CDH23: variants seen among roughly 807,000 people sequenced by gnomAD.
CDH23 encodes cadherin related 23.
CDH23 carries 189 observed loss-of-function variants against 317.1 expected under a neutral mutation model. The ratio of observed to expected loss-of-function variants is 0.60; its 90% CI spans 0.53 to 0.67. CDH23 has a LOEUF of 0.67. Ranked by LOEUF, CDH23 falls within the 30% of genes least tolerant of loss-of-function variation. The pLI is 0.00. For missense variants in CDH23, 4,401 were observed against 4,592.4 expected, an observed-to-expected ratio of 0.96 and a Z score of 1.20; for synonymous variants, 1,839 against 1,876.8, an observed-to-expected ratio of 0.98 and a Z score of 0.52.
intron 22 of CDH23, among the ~76,000 whole-genome samples, chr10:71,696,499 C>T (rs891461174): frequency 6.6e-5 from 10 of 152,324 alleles, no homozygotes; most frequent in South Asian, 2.1e-4. Context: ...GTAAAGGGTG[C>T]GGTCAGGACT....
At chr10:71,780,812 A>G (rs1247838548) in intron 41 of CDH23, among the ~76,000 whole-genome samples, 1 of 152,156 alleles carries the variant, frequency 6.6e-6, no homozygotes, top group Admixed American at 6.5e-5. Flanking sequence ...TGCTGCAATC[A>G]CTCAGGCTAG....
chr10:71,759,744 G>A (rs1281924188), intron 38 of CDH23, among the ~76,000 whole-genome samples: 11 of 150,940 alleles, frequency 7.3e-5, no homozygotes, highest in Admixed American at 6.0e-4. Context: ...TCCGGGAGGC[G>A]GAGGTTGCAG....
At chr10:71,678,860 T>C (rs571919220) in intron 16 of CDH23, among the ~76,000 whole-genome samples, 2 of 152,320 alleles carry the variant, frequency 1.3e-5, no homozygotes, top group Admixed American at 6.5e-5. Context: ...TGTGTTGGCC[T>C]GTAGGTATGC....
intron 57 of CDH23, 46 bp from the exon 58 acceptor site, chr10:71,807,231 G>C: frequency 6.2e-7 from 1 of 1,600,892 alleles, no homozygotes; most frequent in South Asian, 1.1e-5. Context: ...CTGGAAGCTC[G>C]GGTCTTCCCT....
intron 38 of CDH23, among the ~76,000 whole-genome samples, chr10:71,766,907 C>T (rs930840272): frequency 1.3e-5 from 2 of 152,212 alleles, no homozygotes; most frequent in African/African-American, 2.4e-5. Context: ...ATGAACTGAC[C>T]GTGCATTGAC....
At chr10:71,399,385 T>C (rs1484570005) in intron 1 of CDH23, among the ~76,000 whole-genome samples, 1 of 152,314 alleles carries the variant, frequency 6.6e-6, no homozygotes, top group Middle Eastern at 3.4e-3. Flanking sequence ...CTAAGAGGCA[T>C]TGCATAGTTC....
intron 14 of CDH23, chr10:71,646,932 G>T (rs1862921657): frequency 1.4e-6 from 2 of 1,408,290 alleles, no homozygotes; most frequent in East Asian, 5.0e-5. Context: ...CCTCAAATGG[G>T]TGGGAAGGTG....
intron 14 of CDH23, chr10:71,647,890 T>C (rs1862970477): frequency 6.6e-6 from 1 of 152,174 alleles, no homozygotes; most frequent in Non-Finnish European, 1.5e-5. Flanking sequence ...GCTCAATAAA[T>C]GTCACGGAGT....
chr10:71,427,154 CAAAAA>C (rs754534481), intron 1 of CDH23, among the ~76,000 whole-genome samples: 2 of 64,300 alleles, frequency 3.1e-5, no homozygotes, highest in African/African-American at 5.1e-5. Flanking sequence ...GACCCTGTCT[CAAAAA>C]AAAAAAAAAA....
intron 7 of CDH23, among the ~76,000 whole-genome samples, chr10:71,568,872 G>A (rs1316284316): frequency 2.0e-5 from 3 of 152,224 alleles, no homozygotes; most frequent in Admixed American, 6.5e-5. Flanking sequence ...AGAGTCCAGA[G>A]TGGGCTGGGC....
At chr10:71,400,654 C>G (rs1367669308) in intron 1 of CDH23, among the ~76,000 whole-genome samples, 1 of 152,048 alleles carries the variant, frequency 6.6e-6, no homozygotes, top group South Asian at 2.1e-4. Flanking sequence ...CAAAAATTAC[C>G]CAGACGTGGT....
At chr10:71,446,225 G>A in intron 2 of CDH23, 93 bp from the exon 3 acceptor site, 2 of 1,211,564 alleles carry the variant, frequency 1.7e-6, no homozygotes, top group Admixed American at 3.5e-5. Context: ...CACAGGCTCA[G>A]TGCCCACTGC....
intron 3 of CDH23, among the ~76,000 whole-genome samples, chr10:71,495,431 A>C (rs1295954384): frequency 6.6e-6 from 1 of 152,162 alleles, no homozygotes; most frequent in Non-Finnish European, 1.5e-5. Flanking sequence ...GGTGAAGACA[A>C]GCTGGGTTGG....
intron 11 of CDH23, among the ~76,000 whole-genome samples, chr10:71,636,526 C>T (rs1225497492): frequency 2.6e-5 from 4 of 152,104 alleles, no homozygotes; most frequent in African/African-American, 7.2e-5. Flanking sequence ...AGAAAGAGCA[C>T]CACATTAATG....
At chr10:71,457,541 C>T (rs1850754553) in intron 3 of CDH23, among the ~76,000 whole-genome samples, 1 of 152,188 alleles carries the variant, frequency 6.6e-6, no homozygotes. Flanking sequence ...AGGAAAGAGC[C>T]TCAGTGGCCA....
intron 8 of CDH23, among the ~76,000 whole-genome samples, chr10:71,573,663 T>C (rs559414140): frequency 6.6e-6 from 1 of 152,296 alleles, no homozygotes; most frequent in Non-Finnish European, 1.5e-5. Context: ...TTCCTTTGTC[T>C]CCACAAGGGC....
intron 28 of CDH23, 33 bp downstream of exon 28, chr10:71,712,846 G>A (rs1046140667): frequency 6.2e-7 from 1 of 1,602,710 alleles, no homozygotes; most frequent in African/African-American, 1.3e-5. Context: ...GGCAGGTGGT[G>A]GGCTGGGGGA....
chr10:71,636,985 G>A (rs1862306236), intron 11 of CDH23, among the ~76,000 whole-genome samples: 1 of 152,120 alleles, frequency 6.6e-6, no homozygotes, highest in African/African-American at 2.4e-5. Context: ...CTGTATCCTG[G>A]CATCTCAGTG....
rs760432842 is a variant in CDH23, at chr10:71,741,748, G to A, written c.4672G>A (p.Gly1558Arg). Reference protein sequence around the residue: ...VQVRATDRDIGINSVLSYYIT... With the variant: ...VQVRATDRDIRINSVLSYYIT... ...GGTGAGAGCCACTGACCGTGACATC[G>A]GGATCAACAGTGTTCTGTCCTACTA... Residue 1558 changes from glycine to arginine, a missense_variant, in exon 38 of 70, where the codon GGG becomes AGG. Physicochemically the swap from Gly to Arg is moderately radical, Grantham distance 125 (BLOSUM62 -2). Around this residue, in one of 3 missense-constraint regions of CDH23, gnomAD observed 3,068 missense variants for 3,203.3 expected, o/e 0.96. Transcript: ENST00000224721. The A allele has an allele frequency of 9.9e-6, 16 of 1,612,418 alleles. No homozygotes were observed. Among genetic ancestry groups the A allele is most frequent in the East Asian group, 6.7e-5 (3 of 44,880 alleles).
Sources: allele counts gnomAD v4.1 joint callset (sites outside exome capture counted in the v4.1 genomes callset), GRCh38; gene constraint gnomAD v4.1.1; regional missense constraint gnomAD v4.1.1; transcripts MANE v1.5; gene names NCBI Gene and HGNC (gene_info 2026-07-23, HGNC 2026-07-21).